LEKR1: variants seen among roughly 807,000 people sequenced by gnomAD.
LEKR1 encodes leucine, glutamate and lysine rich 1.
A neutral mutation model predicts 72.4 loss-of-function variants in LEKR1; 59 were observed. The observed-to-expected ratio is 0.82, with a 90% CI of 0.66 to 1.01. LEKR1 has a LOEUF of 1.01. Ranked by LOEUF, LEKR1 falls within the 50% of genes least tolerant of loss-of-function variation. LEKR1 has a pLI of 0.00. For synonymous variants in LEKR1, 257 were observed against 263.2 expected, an observed-to-expected ratio of 0.98 and a Z score of 0.23; for missense variants, 728 against 759.2, an observed-to-expected ratio of 0.96 and a Z score of 0.48.
intron 3 of LEKR1, among the ~76,000 whole-genome samples, chr3:156,908,960 G>A (rs1722823588): frequency 6.6e-6 from 1 of 152,166 alleles, no homozygotes; most frequent in African/African-American, 2.4e-5. Context: ...TGTTGTGGAA[G>A]GGACACAGTG....
intron 12 of LEKR1, among the ~76,000 whole-genome samples, chr3:157,044,003 T>TTGA (rs1176144194): frequency 6.6e-6 from 1 of 152,234 alleles, no homozygotes; most frequent in Non-Finnish European, 1.5e-5. Flanking sequence ...AAATTTGGAA[T>TTGA]TGAATAGAGT....
chr3:156,912,834 C>G (rs1396845196), intron 3 of LEKR1, among the ~76,000 whole-genome samples: 1 of 152,190 alleles, frequency 6.6e-6, no homozygotes, highest in African/African-American at 2.4e-5. Context: ...CCACCACTCA[C>G]TATATCAGTT....
At chr3:156,933,272 A>G (rs1220383175) in intron 5 of LEKR1, among the ~76,000 whole-genome samples, 2 of 152,130 alleles carry the variant, frequency 1.3e-5, no homozygotes. Context: ...AAACATTCAT[A>G]TATGTCTTTT....
chr3:156,830,578 A>G (rs566481698), intron 2 of LEKR1, among the ~76,000 whole-genome samples: 7 of 152,350 alleles, frequency 4.6e-5, no homozygotes, highest in East Asian at 3.9e-4. Flanking sequence ...TGCAAAAACC[A>G]TGTACTTTTT....
intron 9 of LEKR1, among the ~76,000 whole-genome samples, chr3:157,004,885 T>C (rs1732294467): frequency 6.6e-6 from 1 of 151,840 alleles, no homozygotes; most frequent in Non-Finnish European, 1.5e-5. Context: ...CTTTAGGCAA[T>C]TAGAAAAACA....
intron 3 of LEKR1, among the ~76,000 whole-genome samples, chr3:156,901,548 A>C (rs1722035732): frequency 1.3e-5 from 2 of 152,180 alleles, no homozygotes; most frequent in South Asian, 4.1e-4. Flanking sequence ...TTTTCTCTCT[A>C]ATGCAATTAC....
chr3:156,973,704 G>A (rs973351287), intron 6 of LEKR1, among the ~76,000 whole-genome samples: 2 of 152,058 alleles, frequency 1.3e-5, no homozygotes, highest in African/African-American at 4.8e-5. Context: ...GGAATGGATA[G>A]AAAAGAGACT....
At chr3:156,884,454 T>C (rs141415899) in intron 3 of LEKR1, among the ~76,000 whole-genome samples, 187 of 152,330 alleles carry the variant, frequency 1.2e-3, no homozygotes, top group African/African-American at 4.3e-3. Context: ...CCTTTTAGCA[T>C]TTCTTGTAGT....
At chr3:157,021,902 T>G (rs958508722) in intron 10 of LEKR1, among the ~76,000 whole-genome samples, 4 of 152,084 alleles carry the variant, frequency 2.6e-5, no homozygotes, top group Admixed American at 2.0e-4. Context: ...GGAATGTTAT[T>G]GATTATTAAC....
At chr3:156,870,020 T>C (rs972564246) in intron 3 of LEKR1, among the ~76,000 whole-genome samples, 1 of 152,106 alleles carries the variant, frequency 6.6e-6, no homozygotes, top group African/African-American at 2.4e-5. Context: ...GCTGGAAATA[T>C]GTCAGTTTAT....
intron 6 of LEKR1, among the ~76,000 whole-genome samples, chr3:156,966,304 C>T (rs934462317): frequency 3.3e-5 from 5 of 151,910 alleles, no homozygotes; most frequent in South Asian, 2.1e-4. Flanking sequence ...TGCAGCACAC[C>T]GAGTGTGAGC....
rs536850412 is a variant in LEKR1 at position 156,947,989 on chromosome 3, A to G, written c.745+5275A>G. Among the ~76,000 whole-genome samples the G allele has an allele frequency of 2.0e-5, 3 of 151,316 alleles. No homozygotes were observed. The Admixed American group carries it at 2.0e-4, about 10-fold the overall frequency. ...TCATTACATCTTTCCCACATATTCA[A>G]AGGAAGTTATTCTTCCACATAAACT... On this transcript the variant is annotated intron_variant, in intron 6 of 12. Transcript: ENST00000356539.
chr3:156,883,646 A>G (rs1451542717), intron 3 of LEKR1, among the ~76,000 whole-genome samples: 2 of 152,112 alleles, frequency 1.3e-5, no homozygotes, highest in Admixed American at 6.5e-5. Context: ...GTCTCACAAG[A>G]TCTGATAGTT....
intron 12 of LEKR1, among the ~76,000 whole-genome samples, chr3:157,041,717 G>A (rs1329127574): frequency 6.6e-6 from 1 of 151,788 alleles, no homozygotes; most frequent in African/African-American, 2.4e-5. Flanking sequence ...TTTTTGCCAT[G>A]TTAAAATATG....
intron 2 of LEKR1, among the ~76,000 whole-genome samples, chr3:156,839,500 A>G (rs1713610438): frequency 6.6e-6 from 1 of 152,228 alleles, no homozygotes; most frequent in African/African-American, 2.4e-5. Context: ...AGGATTTACA[A>G]TGGAGCCAAT....
intron 6 of LEKR1, among the ~76,000 whole-genome samples, chr3:156,967,136 A>G (rs1296811150): frequency 1.3e-5 from 2 of 152,210 alleles, no homozygotes; most frequent in Non-Finnish European, 2.9e-5. Flanking sequence ...GTACGTCACC[A>G]TCATCAAAGA....
intron 5 of LEKR1, among the ~76,000 whole-genome samples, chr3:156,937,015 G>A (rs1200106783): frequency 6.6e-6 from 1 of 152,112 alleles, no homozygotes; most frequent in Non-Finnish European, 1.5e-5. Flanking sequence ...AGTAGCACAT[G>A]CCTGTAGTCC....
chr3:156,986,682 C>T (rs771300616), intron 7 of LEKR1, among the ~76,000 whole-genome samples: 64 of 152,190 alleles, frequency 4.2e-4, no homozygotes, highest in Non-Finnish European at 1.8e-4. Flanking sequence ...TTAGTAGTTA[C>T]GTCAACTTGG....
chr3:156,878,035 C>G (rs1718823836), intron 3 of LEKR1, among the ~76,000 whole-genome samples: 1 of 152,114 alleles, frequency 6.6e-6, no homozygotes, highest in Non-Finnish European at 1.5e-5. Context: ...CCTGCCTCAG[C>G]CTCCCAAAAT....
Sources: gnomAD v4.1 joint callset for allele counts (sites outside exome capture counted in the v4.1 genomes callset) on GRCh38, gnomAD v4.1.1 for gene constraint, MANE v1.5 for transcripts, NCBI Gene and HGNC (gene_info 2026-07-23, HGNC 2026-07-21) for gene names.